Variants in RNF13 observed in about 807,000 individuals in gnomAD.
RNF13 encodes E3 ubiquitin-protein ligase RNF13.
In RNF13, 19 loss-of-function variants were observed where a neutral mutation model predicts 37.7. The observed-to-expected ratio is 0.50, with a 90% CI of 0.35 to 0.74. The LOEUF (loss-of-function observed/expected upper bound fraction) is 0.74. Among genes scored for constraint, RNF13 ranks in the 30% least tolerant of loss-of-function variants. RNF13 has a pLI of 0.01. For synonymous variants in RNF13, 144 were observed against 157.8 expected (o/e 0.91, Z 0.65); for missense variants, 375 against 453.0 (o/e 0.83, Z 1.56).
At position 149,834,132 on chromosome 3, in the gene RNF13, C is replaced by T. The variant is rs1256213769; in HGVS notation, c.-16-11879C>T. On this transcript the variant is annotated intron_variant, in intron 1 of 9. Transcript: ENST00000392894. ...AAGAGGACATAAATAAATGAATAGA[C>T]ATTCCATGTTTATGGATTGATAGAC... 3.9e-5 allele frequency among the ~76,000 whole-genome samples: 6 copies of T among 152,304 alleles called. No individual in the cohort carries two copies. In the South Asian group the frequency reaches 1.2e-3, roughly 32 times the overall value.
intron 8 of RNF13, among the ~76,000 whole-genome samples, chr3:149,923,555 A>G (rs1718351223): frequency 6.6e-6 from 1 of 152,152 alleles, no homozygotes; most frequent in Admixed American, 6.5e-5. Flanking sequence ...TCACTAGGTC[A>G]GGAGATCGAG....
chr3:149,937,799 G>A (rs1349646560), intron 8 of RNF13, among the ~76,000 whole-genome samples: 9 of 151,984 alleles, frequency 5.9e-5, no homozygotes, highest in Non-Finnish European at 1.3e-4. Flanking sequence ...TGGTAATATT[G>A]TAAGACTTAT....
intron 1 of RNF13, among the ~76,000 whole-genome samples, chr3:149,843,803 G>C (rs187069082): frequency 6.6e-6 from 1 of 152,098 alleles, no homozygotes; most frequent in Middle Eastern, 3.2e-3. Flanking sequence ...TTTTATCTTG[G>C]GCAAGTTGCT....
intron 1 of RNF13, 65 bp from the exon 2 acceptor site, chr3:149,845,946 T>C (rs942085683): frequency 1.0e-5 from 8 of 785,424 alleles, no homozygotes; most frequent in Non-Finnish European, 1.7e-5. Flanking sequence ...GGAATTAATA[T>C]ATCAAATGAT....
intron 8 of RNF13, among the ~76,000 whole-genome samples, chr3:149,940,350 G>A (rs1374139357): frequency 2.6e-5 from 4 of 151,874 alleles, no homozygotes; most frequent in Non-Finnish European, 4.4e-5. Flanking sequence ...TATCATTGCT[G>A]TTATTCATTT....
rs535834448 is a variant in RNF13 at position 149,849,655 on chromosome 3, A to G, written c.115-2861A>G. On this transcript the variant is annotated intron_variant, in intron 2 of 9. Transcript: ENST00000392894. ...CCTCGGTTAGAATCCTGGTTCTTCT[A>G]ATTTACCAGAGCTTGTTATTTTCAA... Among the ~76,000 whole-genome samples the G allele has an allele frequency of 6.7e-4, 102 of 152,302 alleles. 1 individual carries two copies. The highest frequency in any genetic ancestry group is 2.4e-3 in the African/African-American group (98 of 41,572).
At chr3:149,814,550 T>C (rs1719225113) in intron 1 of RNF13, among the ~76,000 whole-genome samples, 1 of 152,210 alleles carries the variant, frequency 6.6e-6, no homozygotes, top group Non-Finnish European at 1.5e-5. Flanking sequence ...ATCAATTTAG[T>C]ACATTGACAT....
At chr3:149,857,690 C>T (rs1723787702) in intron 3 of RNF13, among the ~76,000 whole-genome samples, 1 of 152,180 alleles carries the variant, frequency 6.6e-6, no homozygotes, top group Non-Finnish European at 1.5e-5. Context: ...TTCCTACGTC[C>T]TCAAAAAATT....
chr3:149,959,136 A>G (rs1467572849), intron 8 of RNF13, among the ~76,000 whole-genome samples: 3 of 152,218 alleles, frequency 2.0e-5, no homozygotes, highest in African/African-American at 7.2e-5. Context: ...GTTTTTATCT[A>G]ACATATTCAT....
chr3:149,829,538 T>C (rs1197267368), intron 1 of RNF13, among the ~76,000 whole-genome samples: 1 of 152,230 alleles, frequency 6.6e-6, no homozygotes, highest in Non-Finnish European at 1.5e-5. Flanking sequence ...GTTAAAAATC[T>C]TAGATTATGC....
intron 8 of RNF13, among the ~76,000 whole-genome samples, chr3:149,929,114 G>C (rs1481355426): frequency 6.6e-6 from 1 of 152,154 alleles, no homozygotes; most frequent in Non-Finnish European, 1.5e-5. Flanking sequence ...GTATTAGCCT[G>C]TTCTCACACT....
At chr3:149,900,300 A>G (rs980715548) in intron 5 of RNF13, among the ~76,000 whole-genome samples, 4 of 152,222 alleles carry the variant, frequency 2.6e-5, no homozygotes, top group African/African-American at 7.2e-5. Context: ...TACAATTCCA[A>G]GTTTTAAGTA....
intron 6 of RNF13, among the ~76,000 whole-genome samples, chr3:149,902,782 C>G (rs1037836879): frequency 6.6e-6 from 1 of 152,066 alleles, no homozygotes; most frequent in South Asian, 2.1e-4. Context: ...ACACACAGAT[C>G]CCCAAAACGT....
At chr3:149,898,514 A>T (rs1285908473) in intron 5 of RNF13, among the ~76,000 whole-genome samples, 1 of 152,094 alleles carries the variant, frequency 6.6e-6, no homozygotes, top group Non-Finnish European at 1.5e-5. Flanking sequence ...ACCACCTAGT[A>T]GCTGTATGAC....
chr3:149,837,509 A>G (rs1389603431), intron 1 of RNF13, among the ~76,000 whole-genome samples: 2 of 152,226 alleles, frequency 1.3e-5, no homozygotes, highest in Non-Finnish European at 2.9e-5. Context: ...TTACAGTTCC[A>G]CATCACTGGA....
At chr3:149,893,397 T>A (rs183065993) in intron 4 of RNF13, among the ~76,000 whole-genome samples, 95 of 152,356 alleles carry the variant, frequency 6.2e-4, no homozygotes, top group African/African-American at 2.1e-3. Flanking sequence ...TTGGTCTAAT[T>A]TTATATTTCT....
At chr3:149,835,316 TAG>T (rs1721485805) in intron 1 of RNF13, among the ~76,000 whole-genome samples, 2 of 152,198 alleles carry the variant, frequency 1.3e-5, no homozygotes, top group African/African-American at 4.8e-5. Context: ...TTTATTTCCA[TAG>T]GTTTTTGGGG....
chr3:149,933,770 G>A (rs977451102), intron 8 of RNF13, among the ~76,000 whole-genome samples: 1 of 151,914 alleles, frequency 6.6e-6, no homozygotes, highest in African/African-American at 2.4e-5. Flanking sequence ...TCTTAGTAGA[G>A]ACGGGGTTTC....
chr3:149,826,331 T>C (rs1184640707), intron 1 of RNF13, among the ~76,000 whole-genome samples: 1 of 152,234 alleles, frequency 6.6e-6, no homozygotes, highest in Non-Finnish European at 1.5e-5. Context: ...GACTATAGTG[T>C]AGGATAGAGT....
Sources: gnomAD v4.1 joint callset for allele counts (sites outside exome capture counted in the v4.1 genomes callset) on GRCh38, gnomAD v4.1.1 for gene constraint, MANE v1.5 for transcripts, NCBI Gene and HGNC (gene_info 2026-07-23, HGNC 2026-07-21) for gene names.